GPC6: variants seen among roughly 807,000 people sequenced by gnomAD.
The protein encoded by GPC6 is glypican 6.
Under a neutral mutation model 55.2 loss-of-function variants are expected in GPC6, and 14 were observed. That is an observed-to-expected ratio of 0.25 (90% CI 0.17 to 0.40). The LOEUF (loss-of-function observed/expected upper bound fraction) is 0.40, where lower values mean the gene tolerates loss of function less well. Among genes scored for constraint, GPC6 ranks in the 10% least tolerant of loss-of-function variants. The pLI is 1.00. For missense variants in GPC6, 641 were observed against 708.5 expected, an observed-to-expected ratio of 0.90 and a Z score of 1.08; for synonymous variants, 278 against 259.6, an observed-to-expected ratio of 1.07 and a Z score of -0.68.
At chr13:93,376,049 C>CTTTTT (rs11362182) in intron 1 of GPC6, among the ~76,000 whole-genome samples, 2 of 137,786 alleles carry the variant, frequency 1.5e-5, no homozygotes. Flanking sequence ...GCATCTGGCA[C>CTTTTT]TTTTTTTTTT....
chr13:93,833,703 C>A (rs990118479), intron 3 of GPC6, among the ~76,000 whole-genome samples: 1 of 152,054 alleles, frequency 6.6e-6, no homozygotes. Context: ...CAGTTTGACA[C>A]AAATGTTTTG....
rs767827311 is a variant in GPC6, at chr13:93,246,789, C to CAAAAAAAAAAAAAAAA, written c.160+19186_160+19201dup. On this transcript the variant is annotated intron_variant, in intron 1 of 8. Coordinates refer to ENST00000377047, the MANE Select transcript of GPC6 (RefSeq NM_005708.5). ...CCTGGGCGGCAGAGCAAGACTGTCT[C>CAAAAAAAAAAAAAAAA]AAAAAAAAAAAAAAAAAAAAAAAAA... is the stretch of plus-strand genomic sequence containing the variant. 4.9e-5 allele frequency among the ~76,000 whole-genome samples: 2 copies of CAAAAAAAAAAAAAAAA among 40,848 alleles called. 1 individual carries two copies. Among genetic ancestry groups the CAAAAAAAAAAAAAAAA allele is most frequent in the African/African-American group, 2.0e-4 (2 of 9,924 alleles). The allele number at this position is 40,848 out of a possible 152,430, so 26.8% of individuals were successfully genotyped here.
At chr13:93,622,140 T>TAAACCTCTTGC (rs1042591006) in intron 2 of GPC6, among the ~76,000 whole-genome samples, 2 of 152,188 alleles carry the variant, frequency 1.3e-5, no homozygotes, top group African/African-American at 4.8e-5. Flanking sequence ...CACTCTTATA[T>TAAACCTCTTGC]AAACCTCTTG....
intron 1 of GPC6, among the ~76,000 whole-genome samples, chr13:93,368,747 T>G (rs924672445): frequency 1.1e-4 from 16 of 152,088 alleles, no homozygotes; most frequent in African/African-American, 3.9e-4. Flanking sequence ...GAAAATTATT[T>G]AGTTAGCAAA....
At chr13:93,799,272 G>C (rs965878315) in intron 2 of GPC6, among the ~76,000 whole-genome samples, 1 of 152,066 alleles carries the variant, frequency 6.6e-6, no homozygotes, top group African/African-American at 2.4e-5. Context: ...GAAAACATTG[G>C]CTTCATGAAC....
chr13:93,513,410 C>A (rs1881059213), intron 1 of GPC6, among the ~76,000 whole-genome samples: 1 of 152,272 alleles, frequency 6.6e-6, no homozygotes, highest in Non-Finnish European at 1.5e-5. Context: ...CTAGCCAAAT[C>A]AAATTGGTGA....
At chr13:93,996,992 T>G (rs956209729) in intron 3 of GPC6, among the ~76,000 whole-genome samples, 10 of 152,160 alleles carry the variant, frequency 6.6e-5, no homozygotes, top group Non-Finnish European at 1.5e-4. Context: ...ATAATGGAAT[T>G]GTCTTAGAGA....
intron 4 of GPC6, among the ~76,000 whole-genome samples, chr13:94,173,361 G>A (rs1888638995): frequency 6.6e-6 from 1 of 152,182 alleles, no homozygotes; most frequent in Non-Finnish European, 1.5e-5. Flanking sequence ...TTCGAACCAA[G>A]GATAAGATGG....
intron 2 of GPC6, among the ~76,000 whole-genome samples, chr13:93,575,071 A>G (rs570136446): frequency 2.4e-4 from 37 of 152,224 alleles, no homozygotes; most frequent in African/African-American, 8.7e-4. Flanking sequence ...AGGCGGGTGG[A>G]TCACCTGAGG....
intron 4 of GPC6, among the ~76,000 whole-genome samples, chr13:94,281,858 T>G (rs2139078774): frequency 6.6e-6 from 1 of 152,334 alleles, no homozygotes; most frequent in Non-Finnish European, 1.5e-5. Flanking sequence ...TGTACCATAA[T>G]GCCTTGTAGA....
intron 2 of GPC6, among the ~76,000 whole-genome samples, chr13:93,772,834 A>G (rs1594444328): frequency 6.6e-6 from 1 of 152,230 alleles, no homozygotes; most frequent in East Asian, 1.9e-4. Flanking sequence ...CTATCATTCT[A>G]AGGAATTGTT....
chr13:93,411,775 T>C (rs934626586), intron 1 of GPC6, among the ~76,000 whole-genome samples: 2 of 151,860 alleles, frequency 1.3e-5, no homozygotes, highest in Non-Finnish European at 2.9e-5. Flanking sequence ...TCGAGGTGGG[T>C]CTATCACCTG....
rs1220923913 is a variant in GPC6 at position 93,722,508 on chromosome 13, A to G, written c.320-107646A>G. 1.6e-4 allele frequency among the ~76,000 whole-genome samples: 24 copies of G among 151,852 alleles called. 1 individual carries two copies. Among genetic ancestry groups the G allele is most frequent in the Admixed American group, 1.6e-3 (24 of 15,192 alleles). On this transcript the variant is annotated intron_variant, in intron 2 of 8. Transcript: ENST00000377047. ...AGTGCCCCCATCCTCTTATTTTAATAAATGTAATTTGTCTGTTTACCTATC... is the reference window on the plus strand; with the variant it reads ...AGTGCCCCCATCCTCTTATTTTAATGAATGTAATTTGTCTGTTTACCTATC...
At chr13:93,273,008 G>A (rs551744079) in intron 1 of GPC6, among the ~76,000 whole-genome samples, 53 of 152,230 alleles carry the variant, frequency 3.5e-4, no homozygotes, top group African/African-American at 1.1e-3. Flanking sequence ...CAGTGTTTAA[G>A]GAAAAGAAGT....
At chr13:93,337,070 A>C (rs1880072012) in intron 1 of GPC6, among the ~76,000 whole-genome samples, 1 of 152,172 alleles carries the variant, frequency 6.6e-6, no homozygotes, top group Admixed American at 6.5e-5. Flanking sequence ...CCATCCCATT[A>C]GCTGAAAAGT....
chr13:94,364,260 G>A (rs144011990), intron 6 of GPC6, among the ~76,000 whole-genome samples: 2 of 152,292 alleles, frequency 1.3e-5, no homozygotes, highest in African/African-American at 4.8e-5. Flanking sequence ...TAGGTTATTG[G>A]ATGCTTATGA....
chr13:93,692,882 A>ATCATT (rs1400759951), intron 2 of GPC6, among the ~76,000 whole-genome samples: 2 of 152,132 alleles, frequency 1.3e-5, no homozygotes, highest in Non-Finnish European at 2.9e-5. Context: ...AAAGTACTCT[A>ATCATT]TCATTTACTT....
At chr13:93,851,448 A>T (rs965270540) in intron 3 of GPC6, among the ~76,000 whole-genome samples, 1 of 151,922 alleles carries the variant, frequency 6.6e-6, no homozygotes, top group African/African-American at 2.4e-5. Context: ...GCACAGTGCC[A>T]TCTAACAGTC....
intron 1 of GPC6, among the ~76,000 whole-genome samples, chr13:93,504,938 G>C (rs1037637797): frequency 4.6e-5 from 7 of 152,070 alleles, no homozygotes; most frequent in African/African-American, 1.7e-4. Flanking sequence ...CCCTAGTGCT[G>C]TTCTCTTACA....
Sources: allele counts gnomAD v4.1 joint callset (sites outside exome capture counted in the v4.1 genomes callset), GRCh38; gene constraint gnomAD v4.1.1; transcripts MANE v1.5; gene names NCBI Gene and HGNC (gene_info 2026-07-23, HGNC 2026-07-21).